The following CHL1 variants were observed in gnomAD, a reference collection of about 807,000 sequenced individuals.
CHL1 encodes the protein neural cell adhesion molecule L1-like protein.
A neutral mutation model predicts 141.9 loss-of-function variants in CHL1; 96 were observed. The ratio of observed to expected loss-of-function variants is 0.68; its 90% CI spans 0.57 to 0.80. The LOEUF (loss-of-function observed/expected upper bound fraction) is 0.80. Ranked by LOEUF, CHL1 falls within the 30% of genes least tolerant of loss-of-function variation. The pLI, the probability that CHL1 is intolerant of heterozygous loss-of-function variation, is 0.00. For synonymous variants in CHL1, 613 were observed against 502.2 expected, an observed-to-expected ratio of 1.22 and a Z score of -2.95; for missense variants, 1,820 against 1,457.2, an observed-to-expected ratio of 1.25 and a Z score of -4.05.
At chr3:393,396 T>C (rs1389676303) in intron 23 of CHL1, among the ~76,000 whole-genome samples, 1 of 152,110 alleles carries the variant, frequency 6.6e-6, no homozygotes, top group Non-Finnish European at 1.5e-5. Context: ...GGTAAAGATA[T>C]AACTTCTCCT....
At chr3:380,592 G>A (rs1323216289) in intron 16 of CHL1, among the ~76,000 whole-genome samples, 1 of 152,054 alleles carries the variant, frequency 6.6e-6, no homozygotes, top group Non-Finnish European at 1.5e-5. Context: ...TAATTTTCCA[G>A]TTTCTGTCAC....
At chr3:363,194 A>G in intron 13 of CHL1, 23 bp from the exon 14 acceptor site, 4 of 1,599,402 alleles carry the variant, frequency 2.5e-6, no homozygotes, top group Non-Finnish European at 3.4e-6. Context: ...CCTCAGATGG[A>G]TGTACGCTTT....
chr3:266,647 G>A (rs535446822), intron 2 of CHL1, among the ~76,000 whole-genome samples: 19 of 152,268 alleles, frequency 1.2e-4, no homozygotes, highest in African/African-American at 4.6e-4. Context: ...CTGCATCAAA[G>A]GGTTAAAGTT....
At chr3:286,299 A>G (rs1388822859) in intron 2 of CHL1, among the ~76,000 whole-genome samples, 1 of 152,158 alleles carries the variant, frequency 6.6e-6, no homozygotes, top group East Asian at 1.9e-4. Flanking sequence ...TCCATAGAGT[A>G]AAGTGAAAGC....
Position 343,005 on chromosome 3 carries a change from G to C in CHL1, c.701G>C (p.Ser234Thr). 1.9e-6 allele frequency: 3 copies of C among 1,608,920 alleles called. No homozygotes were observed. The highest frequency in any genetic ancestry group is 2.5e-6 in the Non-Finnish European group (3 of 1,178,074). ...TCAGTAAAGCATGCTAATGACTCAA[G>C]TTCATCCACAGAAATTGGTTCCAAG... ...VNSLKHANDS[S>T]SSTEIGSKAN... Residue 234 changes from serine to threonine, a missense_variant, in exon 8 of 28, where the codon AGT becomes ACT. Ser to Thr is a moderately conservative substitution (Grantham distance 58). Transcript: ENST00000256509.
chr3:218,453 A>G (rs552149969), intron 1 of CHL1, among the ~76,000 whole-genome samples: 1 of 152,308 alleles, frequency 6.6e-6, no homozygotes, highest in East Asian at 1.9e-4. Flanking sequence ...AGTTTCCTCA[A>G]GTCAGTAGAG....
chr3:396,014 G>GC (rs1423754826), intron 24 of CHL1, among the ~76,000 whole-genome samples: 1 of 152,098 alleles, frequency 6.6e-6, no homozygotes, highest in Non-Finnish European at 1.5e-5. Flanking sequence ...ATCTTATTGT[G>GC]CCTACTATAT....
chr3:376,358 C>A (rs778507486), intron 15 of CHL1: 16 of 511,142 alleles, frequency 3.1e-5, no homozygotes, highest in African/African-American at 3.1e-4. Context: ...ATGGCCCTTG[C>A]CCCATCTCCA....
chr3:343,159 A>C (rs964423200), intron 8 of CHL1, 128 bp downstream of exon 8: 5 of 671,690 alleles, frequency 7.4e-6, no homozygotes, highest in Non-Finnish European at 1.2e-5. Flanking sequence ...ATCTGAACTT[A>C]GAGGGTTCTA....
intron 26 of CHL1, 136 bp downstream of exon 26, chr3:399,284 C>G (rs1422226338): frequency 3.1e-6 from 2 of 654,774 alleles, no homozygotes; most frequent in Non-Finnish European, 5.4e-6. Flanking sequence ...AATGCACTGA[C>G]AGGAAAAACG....
intron 2 of CHL1, among the ~76,000 whole-genome samples, chr3:306,379 C>T (rs1188144685): frequency 1.1e-4 from 16 of 152,090 alleles, no homozygotes; most frequent in African/African-American, 3.6e-4. Context: ...ATATCCAAAG[C>T]ACTGATACAT....
chr3:309,676 T>C (rs951419072), intron 2 of CHL1, among the ~76,000 whole-genome samples: 3 of 151,932 alleles, frequency 2.0e-5, no homozygotes, highest in African/African-American at 7.3e-5. Context: ...GCCTTGCTAA[T>C]TTAAAAAAAG....
intron 9 of CHL1, among the ~76,000 whole-genome samples, chr3:345,524 C>T (rs1008537323): frequency 6.6e-6 from 1 of 151,692 alleles, no homozygotes; most frequent in Non-Finnish European, 1.5e-5. Flanking sequence ...CACTCTGTCA[C>T]CCATGCTGGA....
At chr3:317,485 C>T (rs1436794618) in intron 2 of CHL1, among the ~76,000 whole-genome samples, 1 of 151,706 alleles carries the variant, frequency 6.6e-6, no homozygotes, top group East Asian at 1.9e-4. Context: ...TTGGGAAAGT[C>T]TTGCTCCTTA....
chr3:267,947 T>C (rs539800873), intron 2 of CHL1, among the ~76,000 whole-genome samples: 1 of 152,322 alleles, frequency 6.6e-6, no homozygotes, highest in Admixed American at 6.5e-5. Flanking sequence ...TGATCAGCTT[T>C]GTGTTGATGA....
At chr3:385,303 G>C (rs551810542) in intron 19 of CHL1, among the ~76,000 whole-genome samples, 10 of 152,090 alleles carry the variant, frequency 6.6e-5, no homozygotes, top group Non-Finnish European at 1.5e-4. Flanking sequence ...CTACTCCTTT[G>C]GGAGGGCTGT....
chr3:360,725 T>C (rs560915846), intron 12 of CHL1, among the ~76,000 whole-genome samples: 5 of 141,240 alleles, frequency 3.5e-5, no homozygotes, highest in Non-Finnish European at 7.5e-5. Flanking sequence ...TATCTCCCGA[T>C]GCTATCCCGC....
intron 15 of CHL1, among the ~76,000 whole-genome samples, chr3:366,700 A>C (rs1704941843): frequency 2.0e-5 from 3 of 151,452 alleles, no homozygotes; most frequent in Admixed American, 6.6e-5. Context: ...AAAAAAAAAA[A>C]AACTGGAGGA....
chr3:380,743 G>T (rs546043641), intron 16 of CHL1, among the ~76,000 whole-genome samples: 2 of 152,272 alleles, frequency 1.3e-5, no homozygotes, highest in African/African-American at 4.8e-5. Context: ...CAACACAGTT[G>T]CAGAAAAGAA....
Sources: allele counts gnomAD v4.1 joint callset (sites outside exome capture counted in the v4.1 genomes callset), GRCh38; gene constraint gnomAD v4.1.1; transcripts MANE v1.5; gene names NCBI Gene and HGNC (gene_info 2026-07-23, HGNC 2026-07-21).